Variants in XPR1 observed in about 807,000 individuals in gnomAD.
The protein encoded by XPR1 is solute carrier family 53 member 1.
A neutral mutation model predicts 87.5 loss-of-function variants in XPR1; 28 were observed. That is an observed-to-expected ratio of 0.32 (90% CI 0.24 to 0.44). XPR1 has a LOEUF of 0.44. Among genes scored for constraint, XPR1 ranks in the 20% least tolerant of loss-of-function variants. The pLI, the probability that XPR1 is intolerant of heterozygous loss-of-function variation, is 1.00. For synonymous variants in XPR1, 300 were observed against 306.1 expected, an observed-to-expected ratio of 0.98 and a Z score of 0.21; for missense variants, 559 against 862.3, an observed-to-expected ratio of 0.65 and a Z score of 4.41.
chr1:180,838,283 T>C (rs1651376379), intron 11 of XPR1, among the ~76,000 whole-genome samples: 1 of 152,136 alleles, frequency 6.6e-6, no homozygotes, highest in African/African-American at 2.4e-5. Flanking sequence ...AGGTCATCTA[T>C]GTCATCTTCA....
At chr1:180,761,366 A>G (rs1173967896) in intron 2 of XPR1, among the ~76,000 whole-genome samples, 2 of 152,198 alleles carry the variant, frequency 1.3e-5, no homozygotes, top group Admixed American at 6.5e-5. Flanking sequence ...TTCGCAACCT[A>G]CTCGTCTGAC....
intron 9 of XPR1, among the ~76,000 whole-genome samples, 185 bp downstream of exon 9, chr1:180,825,529 T>A (rs958215830): frequency 1.3e-5 from 2 of 152,180 alleles, no homozygotes; most frequent in Non-Finnish European, 2.9e-5. Flanking sequence ...GAGTATCAGG[T>A]GGCCAAATAT....
rs116042397 is a variant in XPR1 at position 180,632,070 on chromosome 1, G to A, written c.-132G>A. 7,151 of 1,048,498 alleles carry A rather than the reference G, an allele frequency of 6.8e-3. 291 individuals carry two copies. The African/African-American group carries it at 0.093, about 14-fold the overall frequency. 64.9% of individuals were successfully genotyped at this position (1,048,498 alleles called of 1,614,324 possible). ...GGGCGGGCTGCTCTGAAGAGACCTCGGCGGCGGCGGAGGAGGAGAGAAGCG... is the reference window on the plus strand; with the variant it reads ...GGGCGGGCTGCTCTGAAGAGACCTCAGCGGCGGCGGAGGAGGAGAGAAGCG... On this transcript the variant is annotated 5_prime_UTR_variant, in exon 1 of 15. Transcript: ENST00000367590.
At chr1:180,677,749 C>A (rs187803451) in intron 1 of XPR1, among the ~76,000 whole-genome samples, 1 of 152,266 alleles carries the variant, frequency 6.6e-6, no homozygotes, top group East Asian at 1.9e-4. Context: ...TTAATATAAT[C>A]TTTGTTTCAA....
Position 180,672,248 on chromosome 1 carries a change from C to A in XPR1, c.70-10112C>A, listed in dbSNP as rs560327957. Among the ~76,000 whole-genome samples, 12 of 152,216 alleles carry A rather than the reference C, an allele frequency of 7.9e-5. No individual in the cohort carries two copies. The East Asian group carries it at 2.3e-3, about 29-fold the overall frequency. On this transcript the variant is annotated intron_variant, in intron 1 of 14. Transcript: ENST00000367590. Reference sequence around the variant, plus strand: ...GTACAATAAAACTTTAGTGTTGTAACAACTTCTCCATATTGAATTGCCATT... The same window carrying A: ...GTACAATAAAACTTTAGTGTTGTAAAAACTTCTCCATATTGAATTGCCATT...
intron 6 of XPR1, among the ~76,000 whole-genome samples, chr1:180,810,304 C>T (rs1650162721): frequency 6.6e-6 from 1 of 152,102 alleles, no homozygotes; most frequent in Admixed American, 6.5e-5. Flanking sequence ...GTATGGGCTG[C>T]ACACTGTGGC....
chr1:180,696,198 G>GTATATA (rs1276412497), intron 2 of XPR1, among the ~76,000 whole-genome samples: 4 of 115,890 alleles, frequency 3.5e-5, no homozygotes, highest in Non-Finnish European at 3.5e-5. Context: ...GTGTGTGTGT[G>GTATATA]TGTGTGTGTG....
intron 11 of XPR1, among the ~76,000 whole-genome samples, chr1:180,851,400 TCAGA>T (rs1331562301): frequency 2.0e-5 from 3 of 152,272 alleles, no homozygotes; most frequent in South Asian, 2.1e-4. Flanking sequence ...TGGACCTCCG[TCAGA>T]CAGAATTTAT....
chr1:180,651,928 T>G (rs1488907491), intron 1 of XPR1, among the ~76,000 whole-genome samples: 1 of 152,258 alleles, frequency 6.6e-6, no homozygotes, highest in Non-Finnish European at 1.5e-5. Context: ...GATATTTAGA[T>G]CTTGCAATAC....
At chr1:180,859,228 GTCCTTT>G (rs1652138844) in intron 11 of XPR1, among the ~76,000 whole-genome samples, 1 of 151,786 alleles carries the variant, frequency 6.6e-6, no homozygotes, top group South Asian at 2.1e-4. Flanking sequence ...TAGTATTTTA[GTCCTTT>G]TCCTTTTTTC....
intron 11 of XPR1, among the ~76,000 whole-genome samples, chr1:180,841,372 A>ATT (rs61531123): frequency 0.039 from 5,605 of 145,032 alleles, 367 homozygotes; most frequent in African/African-American, 0.13. Context: ...CAGCCTAGGG[A>ATT]TTTTTTTTTT....
intron 11 of XPR1, among the ~76,000 whole-genome samples, chr1:180,851,372 G>C (rs1651865262): frequency 1.3e-5 from 2 of 152,092 alleles, no homozygotes; most frequent in African/African-American, 4.8e-5. Flanking sequence ...GAGGAGTAGA[G>C]GGTAAGATGG....
intron 11 of XPR1, among the ~76,000 whole-genome samples, chr1:180,839,012 A>G (rs1036487876): frequency 6.6e-6 from 1 of 152,176 alleles, no homozygotes; most frequent in African/African-American, 2.4e-5. Flanking sequence ...AATGAGATAA[A>G]TTTATGTTAT....
At chr1:180,725,982 C>T (rs1658322888) in intron 2 of XPR1, among the ~76,000 whole-genome samples, 1 of 152,166 alleles carries the variant, frequency 6.6e-6, no homozygotes, top group Non-Finnish European at 1.5e-5. Flanking sequence ...TAATGCTTGG[C>T]ATAAAGTACT....
At chr1:180,830,510 T>C (rs1325476284) in intron 9 of XPR1, among the ~76,000 whole-genome samples, 1 of 152,076 alleles carries the variant, frequency 6.6e-6, no homozygotes, top group Non-Finnish European at 1.5e-5. Flanking sequence ...AAAATAAATA[T>C]TTAGAGAAAC....
intron 9 of XPR1, among the ~76,000 whole-genome samples, chr1:180,833,609 G>A (rs1431554974): frequency 2.0e-5 from 3 of 152,148 alleles, no homozygotes; most frequent in African/African-American, 4.8e-5. Flanking sequence ...TAATGGTAAA[G>A]GGGTGAATTT....
chr1:180,808,767 G>A (rs550435205), intron 6 of XPR1, among the ~76,000 whole-genome samples: 4 of 152,222 alleles, frequency 2.6e-5, no homozygotes, highest in African/African-American at 7.2e-5. Context: ...CTGTTAGAAT[G>A]ATTAAAAAAG....
At chr1:180,687,932 T>A (rs1419291796) in intron 2 of XPR1, among the ~76,000 whole-genome samples, 1 of 151,712 alleles carries the variant, frequency 6.6e-6, no homozygotes, top group Non-Finnish European at 1.5e-5. Flanking sequence ...CTGATATATT[T>A]CATTACCTAC....
At chr1:180,714,477 A>C (rs1462934859) in intron 2 of XPR1, among the ~76,000 whole-genome samples, 1 of 149,968 alleles carries the variant, frequency 6.7e-6, no homozygotes, top group Non-Finnish European at 1.5e-5. Context: ...CAATCATAGC[A>C]CGCTGTAACC....
Sources: allele counts gnomAD v4.1 joint callset (sites outside exome capture counted in the v4.1 genomes callset), GRCh38; gene constraint gnomAD v4.1.1; transcripts MANE v1.5; gene names NCBI Gene and HGNC (gene_info 2026-07-23, HGNC 2026-07-21).